The following KCNH8 variants were observed in gnomAD, a reference collection of about 807,000 sequenced individuals.
The protein encoded by KCNH8 is voltage-gated delayed rectifier potassium channel KCNH8.
KCNH8 carries 70 observed loss-of-function variants against 103.6 expected under a neutral mutation model. The ratio of observed to expected loss-of-function variants is 0.68; its 90% confidence interval spans 0.56 to 0.82. KCNH8 has a LOEUF of 0.82. Ranked by LOEUF, KCNH8 falls within the 40% of genes least tolerant of loss-of-function variation. KCNH8 has a pLI of 0.00. For missense variants in KCNH8, 1,217 were observed against 1,329.9 expected (o/e 0.92, Z 1.32); for synonymous variants, 498 against 489.4 (o/e 1.02, Z -0.23).
intron 7 of KCNH8, among the ~76,000 whole-genome samples, chr3:19,413,128 A>G (rs1204038997): frequency 1.6e-5 from 2 of 127,970 alleles, no homozygotes; most frequent in East Asian, 2.0e-4. Context: ...ATGGGTGCCT[A>G]TCAGCGGTGG....
At chr3:19,301,271 A>G (rs1055238509) in intron 3 of KCNH8, among the ~76,000 whole-genome samples, 2 of 151,032 alleles carry the variant, frequency 1.3e-5, no homozygotes, top group African/African-American at 2.4e-5. Flanking sequence ...AATAGTGACA[A>G]TTTGTATCCA....
chr3:19,487,581 G>T (rs1234810570), intron 11 of KCNH8, among the ~76,000 whole-genome samples: 3 of 152,146 alleles, frequency 2.0e-5, no homozygotes, highest in Non-Finnish European at 4.4e-5. Flanking sequence ...TGTGAGTACG[G>T]GTGCTTGATT....
At chr3:19,364,751 A>G (rs1039147406) in intron 5 of KCNH8, among the ~76,000 whole-genome samples, 3 of 152,106 alleles carry the variant, frequency 2.0e-5, no homozygotes, top group Non-Finnish European at 4.4e-5. Flanking sequence ...GAGCTCTCAA[A>G]TTAGGTGACT....
intron 15 of KCNH8, among the ~76,000 whole-genome samples, chr3:19,526,748 C>T (rs1315119892): frequency 6.6e-6 from 1 of 151,942 alleles, no homozygotes; most frequent in African/African-American, 2.4e-5. Context: ...AACATTCTTA[C>T]CTGCTAGAGA....
intron 3 of KCNH8, among the ~76,000 whole-genome samples, chr3:19,336,542 T>C (rs2065587917): frequency 6.6e-6 from 1 of 151,894 alleles, no homozygotes; most frequent in Non-Finnish European, 1.5e-5. Flanking sequence ...ATTAACATTA[T>C]TAATGTATTA....
intron 11 of KCNH8, among the ~76,000 whole-genome samples, chr3:19,480,724 C>G (rs1389838798): frequency 6.6e-6 from 1 of 152,154 alleles, no homozygotes; most frequent in Admixed American, 6.6e-5. Flanking sequence ...GAGGCCTTCT[C>G]TCCACAGTTT....
chr3:19,314,018 C>T (rs1559472293), intron 3 of KCNH8, among the ~76,000 whole-genome samples: 1 of 151,780 alleles, frequency 6.6e-6, no homozygotes, highest in South Asian at 2.1e-4. Context: ...CTCCCCCCAC[C>T]CCTTTAAACT....
At chr3:19,306,486 A>G (rs948903696) in intron 3 of KCNH8, among the ~76,000 whole-genome samples, 7 of 152,244 alleles carry the variant, frequency 4.6e-5, no homozygotes, top group South Asian at 2.1e-4. Flanking sequence ...TCGATGTTCA[A>G]TTCTTACTGC....
chr3:19,286,028 A>G (rs2064827505), intron 3 of KCNH8, among the ~76,000 whole-genome samples: 1 of 152,218 alleles, frequency 6.6e-6, no homozygotes, highest in Non-Finnish European at 1.5e-5. Flanking sequence ...ATTTTAGGTG[A>G]TGAAACAGCA....
chr3:19,438,136 C>G (rs1420898320), intron 7 of KCNH8, 28 bp from the exon 8 acceptor site: 7 of 1,579,644 alleles, frequency 4.4e-6, no homozygotes, highest in Non-Finnish European at 6.1e-6. Flanking sequence ...TTTTTCTTCT[C>G]TCATTTGCTT....
chr3:19,476,463 T>C (rs1046034670), intron 11 of KCNH8, among the ~76,000 whole-genome samples: 2 of 152,144 alleles, frequency 1.3e-5, no homozygotes, highest in African/African-American at 4.8e-5. Flanking sequence ...GAAAATCTTA[T>C]GAAACCGTCT....
At position 19,428,846 on chromosome 3, in the gene KCNH8, A is replaced by G. The variant is rs1004311614; in HGVS notation, c.1178-9318A>G. ...CTGGGTTATCAAGGTTTACTCCATC[A>G]CCGGCATCTGACACATTTCTCTCTA... On this transcript the variant is annotated intron_variant, in intron 7 of 15. Coordinates refer to ENST00000328405, the MANE Select transcript of KCNH8 (RefSeq NM_144633.3). Among the ~76,000 whole-genome samples the G allele has an allele frequency of 3.3e-5, 5 of 152,236 alleles. No individual in the cohort carries two copies. In the South Asian group the frequency reaches 1.0e-3, roughly 32 times the overall value.
intron 1 of KCNH8, among the ~76,000 whole-genome samples, chr3:19,153,414 A>G (rs1414343215): frequency 2.6e-5 from 4 of 152,082 alleles, no homozygotes; most frequent in African/African-American, 9.7e-5. Flanking sequence ...CTGTCAGTTC[A>G]AAGGTCGTGG....
In KCNH8 at chr3:19,347,706, T is replaced by C; in HGVS notation, c.571-19T>C. 3.7e-6 allele frequency: 6 copies of C among 1,611,006 alleles called. No homozygotes were observed. The highest frequency in any genetic ancestry group is 5.1e-6 in the Non-Finnish European group (6 of 1,178,470). On this transcript the variant is annotated intron_variant, in intron 4 of 15. Transcript: ENST00000328405. ...AATGTTGTGTTTCTCCTTTCTCTCC[T>C]TTTTGTCTTCATCCACAGAATGTTT...
intron 1 of KCNH8, among the ~76,000 whole-genome samples, chr3:19,196,701 CTATT>C (rs1242219377): frequency 3.3e-5 from 5 of 151,932 alleles, no homozygotes; most frequent in African/African-American, 1.2e-4. Context: ...AGTTTTTAGT[CTATT>C]TGTGTGGTTC....
At position 19,260,487 on chromosome 3, in the gene KCNH8, GATATATATATATATATATATATATATAT is replaced by G. The variant is rs57661437; in HGVS notation, c.310+6620_310+6647del. On this transcript the variant is annotated intron_variant, in intron 2 of 15. Coordinates refer to ENST00000328405, the MANE Select transcript of KCNH8 (RefSeq NM_144633.3). ...ATTTAATATATGTATTACTCTATAG[GATATATATATATATATATATATATATAT>G]ATATATATATATATATATAGTAAAA... 4.1e-3 allele frequency among the ~76,000 whole-genome samples: 164 copies of G among 40,038 alleles called. 2 individuals are homozygous for G. In the East Asian group the frequency reaches 0.044, roughly 11 times the overall value. The allele number at this position is 40,038 out of a possible 152,430, so 26.3% of individuals were successfully genotyped here.
At chr3:19,484,380 A>T (rs2068159084) in intron 11 of KCNH8, among the ~76,000 whole-genome samples, 1 of 152,210 alleles carries the variant, frequency 6.6e-6, no homozygotes, top group Non-Finnish European at 1.5e-5. Context: ...CACTAAGAGT[A>T]GTCTTTCATG....
At chr3:19,230,715 T>C (rs1418338153) in intron 1 of KCNH8, among the ~76,000 whole-genome samples, 4 of 151,826 alleles carry the variant, frequency 2.6e-5, no homozygotes, top group Non-Finnish European at 4.4e-5. Flanking sequence ...AAAAAACAGA[T>C]GGTTTGCACT....
At chr3:19,277,354 G>A (rs917218863) in intron 2 of KCNH8, among the ~76,000 whole-genome samples, 10 of 152,016 alleles carry the variant, frequency 6.6e-5, no homozygotes, top group Admixed American at 1.3e-4. Context: ...CTTGAACACC[G>A]GAGTTTGAGA....
Sources: allele counts gnomAD v4.1 joint callset (sites outside exome capture counted in the v4.1 genomes callset), GRCh38; gene constraint gnomAD v4.1.1; transcripts MANE v1.5; gene names NCBI Gene and HGNC (gene_info 2026-07-23, HGNC 2026-07-21).